Variants in TTC3 observed in about 807,000 individuals in gnomAD.
The protein encoded by TTC3 is E3 ubiquitin-protein ligase TTC3.
Under a neutral mutation model 249.6 loss-of-function variants are expected in TTC3, and 180 were observed. The observed-to-expected ratio is 0.72, with a 90% CI of 0.64 to 0.82. The LOEUF is 0.82. Ranked by LOEUF, TTC3 falls within the 40% of genes least tolerant of loss-of-function variation. TTC3 has a pLI of 0.00. For missense variants in TTC3, 2,061 were observed against 2,398.4 expected (o/e 0.86, Z 2.94); for synonymous variants, 717 against 805.0 (o/e 0.89, Z 1.85).
intron 28 of TTC3, chr21:37,157,361 C>A: frequency 2.6e-6 from 1 of 381,746 alleles, no homozygotes. Flanking sequence ...TGTGGCACAG[C>A]TTCTTCCTTA....
rs368849439 is a variant in TTC3 at position 37,096,271 on chromosome 21, G to A, written c.783-310G>A. 5.3e-5 allele frequency among the ~76,000 whole-genome samples: 8 copies of A among 152,312 alleles called. No individual in the cohort carries two copies. The East Asian group carries it at 1.5e-3, about 29-fold the overall frequency. ...TATATAAGTAATCCTATCCTCTAGA[G>A]TTACTCTGTAGTTTGCTAGCTCTTT... On this transcript the variant is annotated intron_variant, in intron 9 of 45. Transcript: ENST00000355666.
intron 41 of TTC3, among the ~76,000 whole-genome samples, chr21:37,192,523 G>GTGTGTGTGTGTA (rs1602150536): frequency 1.3e-5 from 2 of 150,962 alleles, no homozygotes; most frequent in East Asian, 3.9e-4. Flanking sequence ...GTGTGTGTGT[G>GTGTGTGTGTGTA]TTGTATATGT....
At chr21:37,095,359 C>T in exon 9 of TTC3, 1 of 1,601,338 alleles carries the variant, frequency 6.2e-7, no homozygotes, top group East Asian at 2.3e-5. Context: ...GGAAGGAGAA[C>T]TAATGAAAAT....
chr21:37,177,250 G>A (rs1220131698), intron 35 of TTC3, among the ~76,000 whole-genome samples: 1 of 152,084 alleles, frequency 6.6e-6, no homozygotes, highest in Admixed American at 6.5e-5. Context: ...AGGTGCAAAG[G>A]CAAGCAAAGA....
intron 36 of TTC3, among the ~76,000 whole-genome samples, chr21:37,185,121 G>A (rs1358081796): frequency 1.3e-5 from 2 of 152,174 alleles, no homozygotes; most frequent in East Asian, 3.9e-4. Context: ...AGAAACAAGC[G>A]GCTTTAGTAA....
At chr21:37,162,334 T>C (rs1467959162) in intron 31 of TTC3, among the ~76,000 whole-genome samples, 16 of 152,194 alleles carry the variant, frequency 1.1e-4, no homozygotes, top group Non-Finnish European at 1.5e-5. Context: ...TGTGCAAGGC[T>C]CTGTGGGAAA....
At chr21:37,079,525 T>G (rs9981603) in intron 1 of TTC3, among the ~76,000 whole-genome samples, 1 of 129,016 alleles carries the variant, frequency 7.8e-6, no homozygotes, top group Non-Finnish European at 1.6e-5. Context: ...TGGTTTTTTT[T>G]TTTTTTTTTT....
chr21:37,163,297 T>G lies in TTC3; in HGVS notation c.3171-754T>G, dbSNP rs573516341. On this transcript the variant is annotated intron_variant, in intron 31 of 45. Coordinates refer to ENST00000355666, the Ensembl canonical transcript of TTC3. ...GGGATTTAAGTCATGCAGCCTGGTT[T>G]TAGAGTCCACACTCAAACTACTACA... 6.6e-5 allele frequency among the ~76,000 whole-genome samples: 10 copies of G among 152,340 alleles called. No homozygotes were observed. The South Asian group carries it at 1.9e-3, about 28-fold the overall frequency.
chr21:37,098,653 C>T (rs1017516573), intron 10 of TTC3: 2 of 152,216 alleles, frequency 1.3e-5, no homozygotes, highest in African/African-American at 4.8e-5. Context: ...TGTTTTACCA[C>T]ACTGGTTTTG....
exon 32 of TTC3, chr21:37,164,071 C>T: frequency 6.2e-7 from 1 of 1,608,656 alleles, no homozygotes; most frequent in Non-Finnish European, 8.5e-7. Flanking sequence ...TCAGATTCTG[C>T]AGGCCCATTT....
rs200194220 is a variant in TTC3 at position 37,112,095 on chromosome 21, A to G, written c.900+3649A>G. 8.4e-3 allele frequency among the ~76,000 whole-genome samples: 1,285 copies of G among 152,300 alleles called. 71 individuals are homozygous for G. The East Asian group carries it at 0.17, about 20-fold the overall frequency. ...GCACTAAATGCCCACAAGAGAAAGC[A>G]GGAAAGATCTAAAATTGACACCCTA... On this transcript the variant is annotated intron_variant, in intron 11 of 45. Coordinates refer to ENST00000355666, the Ensembl canonical transcript of TTC3.
intron 20 of TTC3, 34 bp from the exon 21 acceptor site, chr21:37,144,491 A>C: frequency 6.3e-7 from 1 of 1,595,088 alleles, no homozygotes; most frequent in Non-Finnish European, 8.5e-7. Context: ...ACCATTTTAC[A>C]TCTTTAATGC....
chr21:37,121,955 C>G, exon 12 of TTC3: 1 of 1,610,626 alleles, frequency 6.2e-7, no homozygotes, highest in Non-Finnish European at 8.5e-7. Context: ...TGTAAAGTTA[C>G]AAAAACAAAT....
At chr21:37,095,623 G>A (rs751409365) in intron 9 of TTC3, 179 bp downstream of exon 9, 4 of 427,050 alleles carry the variant, frequency 9.4e-6, no homozygotes, top group East Asian at 7.4e-5. Context: ...TGAAGCTAAC[G>A]TAGTAGCATA....
chr21:37,124,846 C>A (rs1407101399), intron 14 of TTC3, 104 bp downstream of exon 14: 2 of 1,124,190 alleles, frequency 1.8e-6, no homozygotes, highest in Non-Finnish European at 2.5e-6. Context: ...GCGATTTGAA[C>A]CCTTTTTGCC....
At chr21:37,075,792 C>T (rs1876826881) in intron 1 of TTC3, among the ~76,000 whole-genome samples, 1 of 152,084 alleles carries the variant, frequency 6.6e-6, no homozygotes, top group Non-Finnish European at 1.5e-5. Flanking sequence ...ATGTCAGATC[C>T]TATGATTGAT....
chr21:37,188,203 G>A (rs1369577686), intron 38 of TTC3: 7 of 257,566 alleles, frequency 2.7e-5, no homozygotes, highest in Admixed American at 9.4e-5. Context: ...GTGTACACAT[G>A]CAGTTAACCT....
chr21:37,132,759 C>T lies in TTC3; in HGVS notation c.1436C>T (p.Ala479Val). 2.5e-6 allele frequency: 4 copies of T among 1,601,298 alleles called. No individual in the cohort carries two copies. The highest frequency in any genetic ancestry group is 3.4e-6 in the Non-Finnish European group (4 of 1,174,796). Residue 479 changes from alanine to valine, a missense_variant, in exon 17 of 46, where the codon GCA becomes GTA. This residue lies in a region of TTC3 where 989 missense variants were observed against 1,145.1 expected (regional missense o/e 0.86). Coordinates refer to ENST00000355666, the Ensembl canonical transcript of TTC3. ...CAGTTTTCTAAATCTTCCAGAGCTG[C>T]ACACCAGGTAATGGAGAAGCTTTTC...
chr21:37,160,849 G>T (rs745470776), exon 30 of TTC3: 1 of 1,612,646 alleles, frequency 6.2e-7, no homozygotes. Context: ...AGAAGCCAAA[G>T]GATTCAAAGG....
Sources: gnomAD v4.1 joint callset for allele counts (sites outside exome capture counted in the v4.1 genomes callset) on GRCh38, gnomAD v4.1.1 for gene constraint, gnomAD v4.1.1 regional missense constraint, MANE v1.5 for transcripts, NCBI Gene and HGNC (gene_info 2026-07-23, HGNC 2026-07-21) for gene names.